SSBP2: variants seen among roughly 807,000 people sequenced by gnomAD.
SSBP2 encodes single stranded DNA binding protein 2, also known as single-stranded DNA-binding protein 2.
In SSBP2, 17 loss-of-function variants were observed where a neutral mutation model predicts 61.8. The ratio of observed to expected loss-of-function variants is 0.28; its 90% CI spans 0.19 to 0.41. The LOEUF is 0.41. Ranked by LOEUF, SSBP2 falls within the 10% of genes least tolerant of loss-of-function variation. The pLI is 1.00. For missense variants in SSBP2, 310 were observed against 458.7 expected, an observed-to-expected ratio of 0.68 and a Z score of 2.96; for synonymous variants, 139 against 141.3, an observed-to-expected ratio of 0.98 and a Z score of 0.12.
intron 4 of SSBP2, among the ~76,000 whole-genome samples, chr5:81,538,245 A>G (rs943476962): frequency 2.0e-5 from 3 of 152,242 alleles, no homozygotes; most frequent in African/African-American, 4.8e-5. Context: ...AGTGATGTGG[A>G]TAGAAGATCA....
intron 1 of SSBP2, among the ~76,000 whole-genome samples, chr5:81,738,638 C>A (rs1345626323): frequency 3.3e-5 from 5 of 152,190 alleles, no homozygotes; most frequent in African/African-American, 1.2e-4. Context: ...CCAACAATTG[C>A]AGCCATCTTT....
chr5:81,461,798 T>G (rs1005231019), intron 9 of SSBP2, among the ~76,000 whole-genome samples: 1 of 152,148 alleles, frequency 6.6e-6, no homozygotes, highest in African/African-American at 2.4e-5. Flanking sequence ...AAGGAGAATG[T>G]TCTGTATTCC....
chr5:81,623,630 C>T (rs1291402015), intron 3 of SSBP2, among the ~76,000 whole-genome samples: 6 of 151,984 alleles, frequency 3.9e-5, no homozygotes, highest in Non-Finnish European at 5.9e-5. Context: ...CCACCGCGCC[C>T]GGTCCATTGT....
At chr5:81,714,968 TG>T (rs1246674442) in intron 1 of SSBP2, among the ~76,000 whole-genome samples, 1 of 152,158 alleles carries the variant, frequency 6.6e-6, no homozygotes, top group Non-Finnish European at 1.5e-5. Context: ...ACAAGAGAAT[TG>T]TTTTAATCTG....
intron 1 of SSBP2, among the ~76,000 whole-genome samples, chr5:81,668,883 G>C (rs1340567050): frequency 6.6e-6 from 1 of 152,004 alleles, no homozygotes; most frequent in Admixed American, 6.6e-5. Context: ...AATAATTTTA[G>C]CCAAGTTCCA....
chr5:81,678,004 T>C (rs575255346), intron 1 of SSBP2, among the ~76,000 whole-genome samples: 23 of 152,280 alleles, frequency 1.5e-4, no homozygotes, highest in African/African-American at 5.1e-4. Flanking sequence ...TGTCTGGCTT[T>C]AAGAAAAAAT....
At chr5:81,537,011 A>T (rs1770859178) in intron 4 of SSBP2, among the ~76,000 whole-genome samples, 2 of 152,108 alleles carry the variant, frequency 1.3e-5, no homozygotes, top group South Asian at 4.1e-4. Context: ...CTCAAAAAAA[A>T]AAAAAATTGT....
Position 81,600,756 on chromosome 5 carries a change from A to G in SSBP2, c.282+14717T>C, listed in dbSNP as rs140672534. Among the ~76,000 whole-genome samples, 664 of 152,202 alleles carry G rather than the reference A, an allele frequency of 4.4e-3. 7 individuals carry two copies. The highest frequency in any genetic ancestry group is 0.015 in the African/African-American group (627 of 41,566). On this transcript the variant is annotated intron_variant, in intron 4 of 16. Coordinates refer to ENST00000320672, the MANE Select transcript of SSBP2 (RefSeq NM_012446.5). The stretch of plus-strand genomic sequence containing the variant: ...TAACAAAAATTTTAAAATAAAAACC[A>G]TCTAAAGGAAAAACACTAAATTCCT...
chr5:81,650,311 G>A lies in SSBP2; in HGVS notation c.91C>T (p.Leu31Phe). 1 of 1,590,512 alleles carries A rather than the reference G, an allele frequency of 6.3e-7. No homozygotes were observed. The highest frequency in any genetic ancestry group is 8.6e-7 in the Non-Finnish European group (1 of 1,169,112). Residue 31 changes from leucine to phenylalanine, a missense_variant, in exon 2 of 17, where the codon CTC becomes TTC. This residue lies in a region of SSBP2 where 21 missense variants were observed against 59.1 expected (regional missense o/e 0.36). Coordinates refer to ENST00000320672, the MANE Select transcript of SSBP2 (RefSeq NM_012446.5). The stretch of plus-strand genomic sequence containing the variant: ...GCTGATTTCTGAGCTCCTACATGGA[G>A]CAGATATTCATATACGTAGAGTGCT...
chr5:81,541,115 T>C (rs758794768), intron 4 of SSBP2, among the ~76,000 whole-genome samples: 21 of 152,050 alleles, frequency 1.4e-4, no homozygotes, highest in Non-Finnish European at 1.8e-4. Context: ...CATTTCTATA[T>C]ACTAATCATG....
At chr5:81,664,883 C>A (rs1750981287) in intron 1 of SSBP2, among the ~76,000 whole-genome samples, 1 of 152,068 alleles carries the variant, frequency 6.6e-6, no homozygotes, top group African/African-American at 2.4e-5. Context: ...TTGTAGCAGT[C>A]TTATTTTCGG....
At chr5:81,674,088 G>A (rs1364648208) in intron 1 of SSBP2, among the ~76,000 whole-genome samples, 1 of 152,144 alleles carries the variant, frequency 6.6e-6, no homozygotes, top group Admixed American at 6.6e-5. Context: ...GATTTCAAGA[G>A]TAACAGAACT....
chr5:81,669,284 C>G (rs1751400680), intron 1 of SSBP2, among the ~76,000 whole-genome samples: 2 of 152,248 alleles, frequency 1.3e-5, no homozygotes, highest in South Asian at 4.1e-4. Flanking sequence ...CAATTTCTTA[C>G]AAAGCTAAAC....
chr5:81,438,540 T>A (rs1762813247), intron 14 of SSBP2, among the ~76,000 whole-genome samples: 1 of 152,116 alleles, frequency 6.6e-6, no homozygotes, highest in Admixed American at 6.5e-5. Context: ...CTTATTAATA[T>A]AAGTTGTAAA....
At chr5:81,550,830 C>T (rs1225630740) in intron 4 of SSBP2, among the ~76,000 whole-genome samples, 1 of 152,194 alleles carries the variant, frequency 6.6e-6, no homozygotes, top group Non-Finnish European at 1.5e-5. Flanking sequence ...GGCGCGGTGG[C>T]TCACACCTGT....
intron 1 of SSBP2, among the ~76,000 whole-genome samples, chr5:81,700,199 T>C (rs887441131): frequency 1.3e-5 from 2 of 152,116 alleles, no homozygotes; most frequent in African/African-American, 4.8e-5. Flanking sequence ...GCTTAATCCA[T>C]AGGTTACAGA....
intron 1 of SSBP2, among the ~76,000 whole-genome samples, chr5:81,713,012 GCCA>G (rs1169705500): frequency 2.6e-5 from 4 of 151,958 alleles, no homozygotes; most frequent in Non-Finnish European, 5.9e-5. Context: ...ACAGGGGTGA[GCCA>G]CCACACCTGG....
Position 81,489,256 on chromosome 5 carries a change from A to C in SSBP2, c.426T>G (p.Pro142=), listed in dbSNP as rs1258704656. The C allele has an allele frequency of 1.2e-6, 2 of 1,608,918 alleles. No individual in the cohort carries two copies. Among genetic ancestry groups the C allele is most frequent in the Admixed American group, 3.4e-5 (2 of 58,784 alleles). The change falls in exon 6 of 17, where the codon CCT becomes CCG. Residue 142 remains proline, a synonymous_variant. Transcript: ENST00000320672. ...CATAGCACATAAATCTTACCTGATT[A>C]GGTATCCTCAATGGGGGCCTTGGAC...
In SSBP2 at chr5:81,580,684, C is replaced by G. The variant is rs57028565; in HGVS notation, c.282+34789G>C. On this transcript the variant is annotated intron_variant, in intron 4 of 16. Coordinates refer to ENST00000320672, the MANE Select transcript of SSBP2 (RefSeq NM_012446.5). ...ACATTACATTAAGTATATATCTGTT[C>G]AATGTCAAGGTACTTATAAGGGAAA... Among the ~76,000 whole-genome samples the G allele has an allele frequency of 5.5e-3, 816 of 149,708 alleles. 4 individuals carry two copies. Among genetic ancestry groups the G allele is most frequent in the African/African-American group, 0.019 (784 of 40,690 alleles).
Sources: allele counts gnomAD v4.1 joint callset (sites outside exome capture counted in the v4.1 genomes callset), GRCh38; gene constraint gnomAD v4.1.1; regional missense constraint gnomAD v4.1.1; transcripts MANE v1.5; gene names NCBI Gene and HGNC (gene_info 2026-07-23, HGNC 2026-07-21).